The following PSG4 variants were observed in gnomAD, a reference collection of about 807,000 sequenced individuals.
PSG4 encodes pregnancy-specific beta-1-glycoprotein 4.
PSG4 carries 61 observed loss-of-function variants against 44.3 expected under a neutral mutation model. The observed-to-expected ratio is 1.38, with a 90% CI of 1.12 to 1.70. The LOEUF (loss-of-function observed/expected upper bound fraction) is 1.70. Ranked by LOEUF, PSG4 falls within the 40% of genes most tolerant of loss-of-function variation. PSG4 has a pLI of 0.00. For synonymous variants in PSG4, 248 were observed against 191.3 expected, an observed-to-expected ratio of 1.30 and a Z score of -2.45; for missense variants, 677 against 511.7, an observed-to-expected ratio of 1.32 and a Z score of -3.12.
intron 4 of PSG4, 79 bp downstream of exon 4, chr19:43,194,916 G>A: frequency 2.6e-5 from 41 of 1,580,556 alleles, no homozygotes; most frequent in Non-Finnish European, 3.5e-5. Flanking sequence ...TTGGACTGGA[G>A]AGAGACTGAG....
Position 43,192,998 on chromosome 19 carries a change from A to T in PSG4, c.*374T>A, listed in dbSNP as rs539397261. The T allele has an allele frequency of 1.9e-6, 1 of 533,386 alleles. No homozygotes were observed. Among genetic ancestry groups the T allele is most frequent in the African/African-American group, 1.9e-5 (1 of 52,542 alleles). 33.0% of individuals were successfully genotyped at this position (533,386 alleles called of 1,614,324 possible). ...ATGACATATCTGACACTCTGTTGTT[A>T]CCCTCAGAAGCTACTACATGTGAAA... is the stretch of plus-strand genomic sequence containing the variant. On this transcript the variant is annotated 3_prime_UTR_variant, in exon 6 of 6. Coordinates refer to ENST00000405312, the MANE Select transcript of PSG4 (RefSeq NM_002780.5).
intron 2 of PSG4, among the ~76,000 whole-genome samples, chr19:43,201,939 A>T (rs374211430): frequency 6.9e-6 from 1 of 143,974 alleles, no homozygotes; most frequent in Non-Finnish European, 1.5e-5. Flanking sequence ...TCACAAAGGG[A>T]AAGAGCCCTT....
intron 5 of PSG4, chr19:43,194,104 A>G (rs1967122293): frequency 2.3e-6 from 3 of 1,297,512 alleles, no homozygotes; most frequent in Admixed American, 2.8e-5. Context: ...AATTATTTCA[A>G]TGAAATCAAT....
intron 2 of PSG4, among the ~76,000 whole-genome samples, chr19:43,200,426 G>C (rs952708769): frequency 6.9e-6 from 1 of 144,806 alleles, no homozygotes; most frequent in South Asian, 2.2e-4. Flanking sequence ...ATATGAAGGC[G>C]AATATGTTGT....
chr19:43,202,031 C>A (rs1967536124), intron 2 of PSG4, among the ~76,000 whole-genome samples: 1 of 144,974 alleles, frequency 6.9e-6, no homozygotes, highest in South Asian at 2.2e-4. Context: ...GTGGCAACTC[C>A]AGGTGATTTC....
In PSG4 at chr19:43,193,113, T is replaced by C. The variant is rs1313308327; in HGVS notation, c.*259A>G. 9.3e-6 allele frequency: 6 copies of C among 647,314 alleles called. No homozygotes were observed. Among genetic ancestry groups the C allele is most frequent in the African/African-American group, 1.8e-5 (1 of 55,300 alleles). 40.1% of individuals were successfully genotyped at this position (647,314 alleles called of 1,614,324 possible). On this transcript the variant is annotated 3_prime_UTR_variant, in exon 6 of 6. Coordinates refer to ENST00000405312, the MANE Select transcript of PSG4 (RefSeq NM_002780.5). ...GTGGGAGCCTTATCATGATGGGGAG[T>C]CTTGTTCTGACATCTTTGGAAAAAC...
rs192992778 is a variant in PSG4 at position 43,195,160 on chromosome 19, G to A, written c.823C>T (p.Leu275=). ...KSKNYTYIWW[L]NGQSLPVSPR... is the part of the protein sequence containing the mutation. ...CTGACAGGGAGGCTCTGACCATTTA[G>A]CCACCAAATGTAGGTGTAGTTCTTA... Residue 275 remains leucine, a synonymous_variant, in exon 4 of 6, where the codon CTA becomes TTA. Coordinates refer to ENST00000405312, the MANE Select transcript of PSG4 (RefSeq NM_002780.5). 7.2e-4 allele frequency: 1,167 copies of A among 1,610,292 alleles called. 37 individuals are homozygous for A. In the African/African-American group the frequency reaches 0.014, roughly 19 times the overall value.
At chr19:43,196,469 T>G (rs189546383) in intron 3 of PSG4, 51 of 151,710 alleles carry the variant, frequency 3.4e-4, no homozygotes, top group African/African-American at 1.2e-3. Flanking sequence ...GTTTTGGATT[T>G]CTGACATTTT....
chr19:43,194,908 G>A, intron 4 of PSG4, 87 bp downstream of exon 4: 3 of 1,572,678 alleles, frequency 1.9e-6, no homozygotes, highest in Non-Finnish European at 2.6e-6. Flanking sequence ...GTCTATACTT[G>A]GACTGGAGAG....
At chr19:43,195,330 G>A (rs1019188583) in intron 3 of PSG4, 57 bp from the exon 4 acceptor site, 44 of 1,587,200 alleles carry the variant, frequency 2.8e-5, no homozygotes, top group Admixed American at 6.8e-5. Flanking sequence ...TCCTCCACAG[G>A]CATACTTCAA....
chr19:43,195,374 C>A (rs372762721), intron 3 of PSG4, 101 bp from the exon 4 acceptor site: 13 of 1,517,722 alleles, frequency 8.6e-6, no homozygotes, highest in East Asian at 4.5e-5. Context: ...TCAGCCCACC[C>A]GAGTCCTTGA....
At chr19:43,198,574 T>A (rs1160815790) in intron 2 of PSG4, 11 of 416,768 alleles carry the variant, frequency 2.6e-5, no homozygotes, top group Admixed American at 2.4e-4. Context: ...AGTTCCTCCG[T>A]CTCCAACTGC....
At chr19:43,203,688 A>C (rs1967621778) in intron 2 of PSG4, 198 bp downstream of exon 2, 1 of 1,022,118 alleles carries the variant, frequency 9.8e-7, no homozygotes, top group African/African-American at 1.8e-5. Flanking sequence ...GAGTGTCTGC[A>C]GGGTCTGAAT....
intron 2 of PSG4, chr19:43,198,518 C>T (rs1967359603): frequency 2.9e-6 from 2 of 697,940 alleles, no homozygotes; most frequent in South Asian, 2.4e-5. Flanking sequence ...AGCATTGGGT[C>T]ATGGAAAGAC....
At chr19:43,205,104 C>G (rs978876464) in intron 1 of PSG4, among the ~76,000 whole-genome samples, 1 of 54,062 alleles carries the variant, frequency 1.8e-5, no homozygotes. Flanking sequence ...TCTTTTTTTC[C>G]TTTTTTCTTT....
At chr19:43,201,446 G>C (rs1323378218) in intron 2 of PSG4, among the ~76,000 whole-genome samples, 1 of 145,122 alleles carries the variant, frequency 6.9e-6, no homozygotes, top group Non-Finnish European at 1.5e-5. Flanking sequence ...TGCTCCTATA[G>C]ATAACATCAC....
At chr19:43,204,699 C>CCCCCCCCCCCG (rs58719697) in intron 1 of PSG4, 3 of 190,912 alleles carry the variant, frequency 1.6e-5, no homozygotes, top group African/African-American at 8.1e-5. Flanking sequence ...TGTCTTCCCC[C>CCCCCCCCCCCG]CACGATGACT....
rs139058318 is a variant in PSG4 at position 43,198,032 on chromosome 19, G to A, written c.674C>T (p.Ala225Val). ...CAGGGTGACTGGGTCACTGCGGCTG[G>A]CACTCACTGGGTTCCGTATTTCACA... ...YECEIRNPVSASRSDPVTLNL... is the reference protein window; with the variant it reads ...YECEIRNPVSVSRSDPVTLNL... Residue 225 changes from alanine to valine, a missense_variant, in exon 3 of 6, where the codon GCC becomes GTC. Physicochemically the swap from Ala to Val is moderately conservative, Grantham distance 64. Transcript: ENST00000405312. The A allele has an allele frequency of 4.6e-3, 7,247 of 1,587,672 alleles. 1,974 individuals are homozygous for A. In the East Asian group the frequency reaches 0.15, roughly 32 times the overall value.
chr19:43,194,285 T>G, intron 5 of PSG4, 55 bp downstream of exon 5: 8 of 1,611,100 alleles, frequency 5.0e-6, no homozygotes, highest in Middle Eastern at 1.8e-4. Context: ...CTTCCCTGAA[T>G]GCCAGATAGA....
Sources: allele counts gnomAD v4.1 joint callset (sites outside exome capture counted in the v4.1 genomes callset), GRCh38; gene constraint gnomAD v4.1.1; transcripts MANE v1.5; gene names NCBI Gene and HGNC (gene_info 2026-07-23, HGNC 2026-07-21).